The following CAPN5 variants were observed in gnomAD, a reference collection of about 807,000 sequenced individuals.
The protein encoded by CAPN5 is calpain 5.
A neutral mutation model predicts 73.0 loss-of-function variants in CAPN5; 54 were observed. The observed-to-expected ratio is 0.74, with a 90% confidence interval of 0.59 to 0.93. The LOEUF is 0.93. CAPN5 is among the 40% of genes least tolerant of loss of function. The pLI, the probability that CAPN5 is intolerant of heterozygous loss-of-function variation, is 0.00. For missense variants in CAPN5, 785 were observed against 882.9 expected (o/e 0.89, Z 1.41); for synonymous variants, 335 against 356.9 (o/e 0.94, Z 0.69).
At chr11:77,088,221 C>G (rs1373727158) in intron 2 of CAPN5, among the ~76,000 whole-genome samples, 1 of 151,622 alleles carries the variant, frequency 6.6e-6, no homozygotes, top group Admixed American at 6.6e-5. Context: ...GTTTTGGAAC[C>G]TGCAGAATTC....
intron 7 of CAPN5, among the ~76,000 whole-genome samples, chr11:77,117,317 G>C (rs1189828281): frequency 3.3e-5 from 5 of 152,202 alleles, no homozygotes; most frequent in African/African-American, 1.2e-4. Flanking sequence ...ATGTGGGCTA[G>C]GCTCAGTGTC....
intron 1 of CAPN5, among the ~76,000 whole-genome samples, chr11:77,078,026 C>T (rs1264777397): frequency 6.6e-6 from 1 of 152,122 alleles, no homozygotes; most frequent in Non-Finnish European, 1.5e-5. Context: ...TCTCTTCGTT[C>T]TGTTGATTGT....
chr11:77,090,233 T>C (rs1555036259), intron 2 of CAPN5, among the ~76,000 whole-genome samples: 1 of 152,210 alleles, frequency 6.6e-6, no homozygotes, highest in African/African-American at 2.4e-5. Context: ...GAGCCTCTCC[T>C]GGCAGTGGGA....
intron 7 of CAPN5, 57 bp downstream of exon 7, chr11:77,116,360 C>T (rs1393301928): frequency 2.2e-6 from 3 of 1,390,726 alleles, no homozygotes; most frequent in South Asian, 1.2e-5. Flanking sequence ...ACGGGCCTGG[C>T]GGGGAGCACC....
intron 1 of CAPN5, chr11:77,072,936 C>T (rs1299309645): frequency 2.4e-6 from 1 of 423,012 alleles, no homozygotes; most frequent in Non-Finnish European, 4.4e-6. Flanking sequence ...TGGGCTCACA[C>T]AGCACAGTGA....
intron 1 of CAPN5, among the ~76,000 whole-genome samples, chr11:77,080,055 C>T (rs1950013400): frequency 6.6e-6 from 1 of 152,100 alleles, no homozygotes; most frequent in Non-Finnish European, 1.5e-5. Flanking sequence ...GGTAAGACAA[C>T]TGTTTTTCCT....
intron 1 of CAPN5, among the ~76,000 whole-genome samples, chr11:77,074,678 T>TGA (rs1949949244): frequency 6.6e-6 from 1 of 152,016 alleles, no homozygotes; most frequent in African/African-American, 2.4e-5. Context: ...GAGAAGAGGT[T>TGA]GAGGAAGGGA....
intron 2 of CAPN5, among the ~76,000 whole-genome samples, chr11:77,091,036 A>G (rs1365523736): frequency 6.6e-6 from 1 of 152,214 alleles, no homozygotes; most frequent in Non-Finnish European, 1.5e-5. Flanking sequence ...TGTAGTGCCA[A>G]CTGGAAGGAG....
At chr11:77,101,833 C>T (rs529240540) in intron 3 of CAPN5, among the ~76,000 whole-genome samples, 14 of 152,220 alleles carry the variant, frequency 9.2e-5, no homozygotes, top group African/African-American at 2.4e-4. Flanking sequence ...CTTCTGGTTC[C>T]GCCCCGGGCC....
intron 3 of CAPN5, among the ~76,000 whole-genome samples, chr11:77,098,122 G>A (rs1263349277): frequency 4.3e-5 from 3 of 69,816 alleles, no homozygotes; most frequent in African/African-American, 9.1e-5. Context: ...CCTCCCTCCC[G>A]GACGGGGCGG....
In CAPN5 at chr11:77,093,960, C is replaced by T. The variant is rs1950181670; in HGVS notation, c.297+147C>T. The T allele has an allele frequency of 2.2e-5, 25 of 1,142,338 alleles. No individual in the cohort carries two copies. In the Middle Eastern group the frequency reaches 1.2e-3, roughly 54 times the overall value. The allele number at this position is 1,142,338 out of a possible 1,614,324, so 70.8% of individuals were successfully genotyped here. ...TGGGGTGGGGGCCCCCAGTACTGGCCGAGCGTCGGAATTGCCATCCCTCAC... is the reference window on the plus strand; with the variant it reads ...TGGGGTGGGGGCCCCCAGTACTGGCTGAGCGTCGGAATTGCCATCCCTCAC... On this transcript the variant is annotated intron_variant, in intron 3 of 12. Transcript: ENST00000648180.
intron 3 of CAPN5, among the ~76,000 whole-genome samples, chr11:77,102,451 C>T (rs1950295400): frequency 1.3e-5 from 2 of 152,160 alleles, no homozygotes; most frequent in African/African-American, 4.8e-5. Context: ...GAGGAGTGGT[C>T]CCCACCACCC....
chr11:77,102,443 G>A (rs1950295308), intron 3 of CAPN5, among the ~76,000 whole-genome samples: 1 of 152,188 alleles, frequency 6.6e-6, no homozygotes, highest in African/African-American at 2.4e-5. Flanking sequence ...CCTCCAGTGA[G>A]GAGTGGTCCC....
At position 77,088,354 on chromosome 11, in the gene CAPN5, G is replaced by C. The variant is rs112238090; in HGVS notation, c.165+3303G>C. ...GAACATAAGGCCTTTTCGTGCCACA[G>C]AACAGTCAGTTTGCAGCAAGGCCTG... On this transcript the variant is annotated intron_variant, in intron 2 of 12. Coordinates refer to ENST00000648180, the MANE Select transcript of CAPN5 (RefSeq NM_004055.5). 1.5e-3 allele frequency among the ~76,000 whole-genome samples: 228 copies of C among 152,252 alleles called. 1 individual carries two copies. The highest frequency in any genetic ancestry group is 5.1e-3 in the African/African-American group (213 of 41,530).
rs977356389 is a variant in CAPN5 at position 77,084,036 on chromosome 11, C to T, written c.-35-816C>T. ...CCAGATGGAGTTTGAGGGATGGGGG[C>T]GTGGATCATAAATGGGGTGGTCACT... is the stretch of plus-strand genomic sequence containing the variant. On this transcript the variant is annotated intron_variant, in intron 1 of 12. Transcript: ENST00000648180. 3.9e-5 allele frequency among the ~76,000 whole-genome samples: 6 copies of T among 152,264 alleles called. No homozygotes were observed. In the South Asian group the frequency reaches 6.2e-4, roughly 16 times the overall value.
At chr11:77,088,000 A>G in intron 2 of CAPN5, 1 of 1,535,922 alleles carries the variant, frequency 6.5e-7, no homozygotes, top group Non-Finnish European at 8.7e-7. Flanking sequence ...CGGAGAATGG[A>G]GAATGTCCCC....
intron 1 of CAPN5, among the ~76,000 whole-genome samples, chr11:77,069,827 A>G (rs1555032755): frequency 1.3e-5 from 2 of 152,088 alleles, no homozygotes; most frequent in African/African-American, 4.8e-5. Flanking sequence ...TCCCCGCTCA[A>G]AACTTTCCTG....
chr11:77,086,389 T>A (rs930276906), intron 2 of CAPN5, among the ~76,000 whole-genome samples: 1 of 152,076 alleles, frequency 6.6e-6, no homozygotes, highest in African/African-American at 2.4e-5. Context: ...GTGTCCTAGA[T>A]CACCCATGAG....
At chr11:77,105,235 G>T (rs1227830534) in intron 3 of CAPN5, among the ~76,000 whole-genome samples, 3 of 151,928 alleles carry the variant, frequency 2.0e-5, no homozygotes, top group Non-Finnish European at 4.4e-5. Context: ...CTCGCCATCA[G>T]CCCCCATCCC....
Sources: allele counts gnomAD v4.1 joint callset (sites outside exome capture counted in the v4.1 genomes callset), GRCh38; gene constraint gnomAD v4.1.1; transcripts MANE v1.5; gene names NCBI Gene and HGNC (gene_info 2026-07-23, HGNC 2026-07-21).